TANK: variants seen among roughly 807,000 people sequenced by gnomAD.
TANK encodes the protein TRAF family member associated NFKB activator.
A neutral mutation model predicts 43.6 loss-of-function variants in TANK; 15 were observed. That is an observed-to-expected ratio of 0.34 (90% confidence interval 0.23 to 0.53). The LOEUF is 0.53. TANK is among the 20% of genes least tolerant of loss of function. The probability of loss-of-function intolerance (pLI) is 0.94; values close to 1 mark genes in which losing one functional copy is unlikely to be tolerated. For synonymous variants in TANK, 162 were observed against 178.2 expected, an observed-to-expected ratio of 0.91 and a Z score of 0.73; for missense variants, 417 against 498.6, an observed-to-expected ratio of 0.84 and a Z score of 1.56.
At chr2:161,146,048 T>C (rs1052970208) in intron 1 of TANK, among the ~76,000 whole-genome samples, 1 of 152,206 alleles carries the variant, frequency 6.6e-6, no homozygotes, top group Non-Finnish European at 1.5e-5. Flanking sequence ...TCTAATCTTG[T>C]CTTCATGCCT....
At chr2:161,141,060 G>A (rs1159565935) in intron 1 of TANK, among the ~76,000 whole-genome samples, 1 of 151,944 alleles carries the variant, frequency 6.6e-6, no homozygotes, top group Non-Finnish European at 1.5e-5. Context: ...TTTTAAAATT[G>A]AGGTGAAATT....
chr2:161,143,634 T>C (rs1683815955), intron 1 of TANK, among the ~76,000 whole-genome samples: 2 of 152,222 alleles, frequency 1.3e-5, no homozygotes, highest in African/African-American at 4.8e-5. Context: ...TTTGTGTATG[T>C]TGAACCAACC....
rs770537197 is a variant in TANK, at chr2:161,176,829, G to A, written c.-49-2785G>A. On this transcript the variant is annotated intron_variant, in intron 1 of 7. Transcript: ENST00000392749. Reference sequence around the variant, plus strand: ...ATTTGTCTCAGATCTAAAGGTACAGGTGTGGTTTATATTGACAATTTTTCA... The same window carrying A: ...ATTTGTCTCAGATCTAAAGGTACAGATGTGGTTTATATTGACAATTTTTCA... Among the ~76,000 whole-genome samples, 3 of 152,080 alleles carry A rather than the reference G, an allele frequency of 2.0e-5. 1 individual carries two copies. The highest frequency in any genetic ancestry group is 4.4e-5 in the Non-Finnish European group (3 of 67,994).
At chr2:161,170,502 C>G (rs1185605795) in intron 1 of TANK, among the ~76,000 whole-genome samples, 1 of 152,184 alleles carries the variant, frequency 6.6e-6, no homozygotes, top group African/African-American at 2.4e-5. Context: ...AAAAAGGCAA[C>G]TTTATGAAAG....
At chr2:161,145,776 T>C (rs1055518837) in intron 1 of TANK, among the ~76,000 whole-genome samples, 1 of 151,980 alleles carries the variant, frequency 6.6e-6, no homozygotes, top group Non-Finnish European at 1.5e-5. Flanking sequence ...ATTTCAACCT[T>C]GGAGAATCTG....
chr2:161,203,953 G>A (rs939764172), intron 3 of TANK, among the ~76,000 whole-genome samples: 4 of 152,078 alleles, frequency 2.6e-5, no homozygotes, highest in East Asian at 1.9e-4. Context: ...ATATATATGC[G>A]AGGATGTGTA....
At chr2:161,162,825 A>G (rs1231542669) in intron 1 of TANK, 1 of 152,080 alleles carries the variant, frequency 6.6e-6, no homozygotes, top group Non-Finnish European at 1.5e-5. Flanking sequence ...TAGATATTGG[A>G]TGTTCATTTG....
intron 4 of TANK, chr2:161,205,047 G>A: frequency 1.9e-6 from 2 of 1,037,320 alleles, no homozygotes; most frequent in Non-Finnish European, 2.5e-6. Flanking sequence ...AAATAGGGCT[G>A]GACACACTGA....
At chr2:161,139,188 C>T (rs1005363430) in intron 1 of TANK, among the ~76,000 whole-genome samples, 5 of 152,048 alleles carry the variant, frequency 3.3e-5, no homozygotes, top group African/African-American at 1.2e-4. Context: ...ACCACATTGG[C>T]CAGAATTTCT....
At chr2:161,152,301 C>T (rs1684101868) in intron 1 of TANK, among the ~76,000 whole-genome samples, 1 of 152,152 alleles carries the variant, frequency 6.6e-6, no homozygotes, top group Non-Finnish European at 1.5e-5. Context: ...GCCTGAAGTA[C>T]TCCCTTTATC....
chr2:161,191,176 T>C lies in TANK; in HGVS notation c.99+11415T>C, dbSNP rs115264778. Reference sequence around the variant, plus strand: ...CTGTATCCATTAAGGAACATTCTGTTCAGGAAAGACATCTAAGTATTCCAA... The same window carrying C: ...CTGTATCCATTAAGGAACATTCTGTCCAGGAAAGACATCTAAGTATTCCAA... On this transcript the variant is annotated intron_variant, in intron 2 of 7. Coordinates refer to ENST00000392749, the MANE Select transcript of TANK (RefSeq NM_001199135.3). Among the ~76,000 whole-genome samples, 787 of 152,296 alleles carry C rather than the reference T, an allele frequency of 5.2e-3. 5 individuals carry two copies. Among genetic ancestry groups the C allele is most frequent in the African/African-American group, 0.018 (751 of 41,556 alleles).
chr2:161,160,798 G>C (rs1057268403), intron 1 of TANK: 2 of 549,972 alleles, frequency 3.6e-6, no homozygotes, highest in Admixed American at 4.5e-5. Context: ...CGGGAAATGG[G>C]GGTGGAAGGG....
chr2:161,205,965 AAACAT>A (rs1686635123), intron 4 of TANK, among the ~76,000 whole-genome samples: 2 of 152,210 alleles, frequency 1.3e-5, no homozygotes, highest in Admixed American at 6.5e-5. Context: ...GTAGTTTTTA[AAACAT>A]AACATTAATG....
At chr2:161,179,404 C>T in intron 1 of TANK, 1 of 423,656 alleles carries the variant, frequency 2.4e-6, no homozygotes, top group Admixed American at 4.3e-5. Context: ...ACCCCACTTG[C>T]TCCTTGAACA....
chr2:161,163,762 A>G (rs1319074567), intron 1 of TANK, among the ~76,000 whole-genome samples: 1 of 152,232 alleles, frequency 6.6e-6, no homozygotes, highest in East Asian at 1.9e-4. Context: ...TACTTATTTA[A>G]CATGAAGTGA....
chr2:161,231,355 A>G lies in TANK; in HGVS notation c.905A>G (p.Asn302Ser). ...GACCCCATAGCTTCAGCTATACAAA[A>G]CCTTAAAACAACTGACAAAACAAAG... ...GIDPIASAIQ[N>S]LKTTDKTKPS... Residue 302 changes from asparagine (N) to serine (S), a missense_variant, in exon 7 of 8, where the codon AAC (asparagine) becomes AGC (serine). Coordinates refer to ENST00000392749, the MANE Select transcript of TANK (RefSeq NM_001199135.3). 6.2e-7 allele frequency: 1 copy of G among 1,614,156 alleles called. No homozygotes were observed. The highest frequency in any genetic ancestry group is 8.5e-7 in the Non-Finnish European group (1 of 1,180,014).
At chr2:161,195,635 G>A (rs1362718509) in intron 2 of TANK, among the ~76,000 whole-genome samples, 1 of 151,986 alleles carries the variant, frequency 6.6e-6, no homozygotes, top group East Asian at 1.9e-4. Flanking sequence ...GTTTTTTGGG[G>A]GACAAGGGTG....
chr2:161,140,043 TAA>T (rs1293689527), intron 1 of TANK: 2 of 564,012 alleles, frequency 3.5e-6, no homozygotes, highest in Admixed American at 6.3e-5. Context: ...TTTATATTCA[TAA>T]GTCTGTAAAA....
intron 2 of TANK, among the ~76,000 whole-genome samples, chr2:161,195,065 T>G (rs969647397): frequency 1.3e-5 from 2 of 152,240 alleles, no homozygotes; most frequent in Non-Finnish European, 2.9e-5. Flanking sequence ...ATTTGTATCC[T>G]TTCTTCCAAG....
Sources: allele counts gnomAD v4.1 joint callset (sites outside exome capture counted in the v4.1 genomes callset), GRCh38; gene constraint gnomAD v4.1.1; transcripts MANE v1.5; gene names NCBI Gene and HGNC (gene_info 2026-07-23, HGNC 2026-07-21).